Variants in ATP6V1E1 observed in about 807,000 individuals in gnomAD.
The protein encoded by ATP6V1E1 is V-type proton ATPase subunit E 1.
A neutral mutation model predicts 35.2 loss-of-function variants in ATP6V1E1; 21 were observed. That is an observed-to-expected ratio of 0.60 (90% CI 0.42 to 0.86). ATP6V1E1 has a LOEUF of 0.86. Among genes scored for constraint, ATP6V1E1 ranks in the 40% least tolerant of loss-of-function variants. The probability of loss-of-function intolerance (pLI) is 0.00; values close to 1 mark genes in which losing one functional copy is unlikely to be tolerated. For missense variants in ATP6V1E1, 183 were observed against 272.6 expected (o/e 0.67, Z 2.32); for synonymous variants, 83 against 87.8 (o/e 0.95, Z 0.30).
intron 4 of ATP6V1E1, among the ~76,000 whole-genome samples, chr22:17,603,539 T>C (rs1282531610): frequency 6.6e-6 from 1 of 152,000 alleles, no homozygotes; most frequent in East Asian, 1.9e-4. Context: ...CTCAGCCATG[T>C]GCAGTGGCTC....
chr22:17,602,843 G>C (rs2057768420), intron 4 of ATP6V1E1, among the ~76,000 whole-genome samples: 1 of 152,106 alleles, frequency 6.6e-6, no homozygotes, highest in South Asian at 2.1e-4. Context: ...CCATTCATTG[G>C]TCAATGAATC....
chr22:17,613,385 G>A (rs968983036), intron 2 of ATP6V1E1, 65 bp from the exon 3 acceptor site: 67 of 1,336,486 alleles, frequency 5.0e-5, no homozygotes, highest in Non-Finnish European at 6.9e-5. Flanking sequence ...TTAAACAGCT[G>A]GTGACCTGCG....
intron 1 of ATP6V1E1, among the ~76,000 whole-genome samples, chr22:17,621,878 T>G (rs1345283464): frequency 1.3e-5 from 2 of 152,200 alleles, no homozygotes; most frequent in African/African-American, 2.4e-5. Flanking sequence ...TAATTGTTGC[T>G]TATTTGTCCC....
intron 1 of ATP6V1E1, among the ~76,000 whole-genome samples, chr22:17,625,926 G>A (rs889468832): frequency 1.3e-5 from 2 of 151,170 alleles, no homozygotes; most frequent in Non-Finnish European, 2.9e-5. Context: ...GTGGGTTCAC[G>A]ACTTCCACAA....
intron 7 of ATP6V1E1, among the ~76,000 whole-genome samples, chr22:17,596,253 T>C (rs969141786): frequency 2.0e-5 from 3 of 152,120 alleles, no homozygotes; most frequent in African/African-American, 7.2e-5. Flanking sequence ...CAGAAACTAA[T>C]GGTGAAATTT....
intron 3 of ATP6V1E1, 40 bp downstream of exon 3, chr22:17,613,171 A>G: frequency 6.3e-7 from 1 of 1,576,906 alleles, no homozygotes; most frequent in Non-Finnish European, 8.7e-7. Flanking sequence ...ATGACTTCAG[A>G]AAACTTCTTA....
chr22:17,603,801 A>C (rs2057772747), intron 4 of ATP6V1E1, among the ~76,000 whole-genome samples: 1 of 152,244 alleles, frequency 6.6e-6, no homozygotes, highest in South Asian at 2.1e-4. Context: ...TCTATAAGAC[A>C]TCTGGCTGAA....
intron 4 of ATP6V1E1, among the ~76,000 whole-genome samples, chr22:17,605,603 C>T (rs972656283): frequency 6.6e-6 from 1 of 151,792 alleles, no homozygotes; most frequent in East Asian, 1.9e-4. Context: ...CTATCATTCA[C>T]TCAACACTCA....
chr22:17,598,763 A>G (rs2057746370), intron 6 of ATP6V1E1, among the ~76,000 whole-genome samples: 1 of 152,240 alleles, frequency 6.6e-6, no homozygotes, highest in Non-Finnish European at 1.5e-5. Flanking sequence ...TAACAGTATA[A>G]TAGGTCCTCA....
chr22:17,620,879 G>A (rs1238889218), intron 1 of ATP6V1E1, among the ~76,000 whole-genome samples: 1 of 151,994 alleles, frequency 6.6e-6, no homozygotes, highest in Non-Finnish European at 1.5e-5. Flanking sequence ...CTGGCTAACA[G>A]GGTGAAACCC....
chr22:17,598,324 G>A, intron 6 of ATP6V1E1, 36 bp from the exon 7 acceptor site: 4 of 1,502,090 alleles, frequency 2.7e-6, no homozygotes. Context: ...GTGTCACTAG[G>A]AACTATGAAG....
chr22:17,624,250 T>C (rs1317968489), intron 1 of ATP6V1E1, among the ~76,000 whole-genome samples: 3 of 152,172 alleles, frequency 2.0e-5, no homozygotes, highest in African/African-American at 7.2e-5. Context: ...ATTCCTTCTT[T>C]CAATTTTACA....
intron 1 of ATP6V1E1, among the ~76,000 whole-genome samples, chr22:17,626,478 G>T (rs1444001124): frequency 6.6e-6 from 1 of 151,924 alleles, no homozygotes; most frequent in Non-Finnish European, 1.5e-5. Flanking sequence ...GGGCTCAAAT[G>T]ATTCTCCCAC....
intron 4 of ATP6V1E1, among the ~76,000 whole-genome samples, chr22:17,605,299 G>C (rs1345295645): frequency 6.7e-6 from 1 of 148,872 alleles, no homozygotes; most frequent in Non-Finnish European, 1.5e-5. Context: ...GGCAGGCCGA[G>C]GCAGGCAGAT....
At chr22:17,596,204 G>C (rs1366261285) in intron 7 of ATP6V1E1, among the ~76,000 whole-genome samples, 1 of 152,098 alleles carries the variant, frequency 6.6e-6, no homozygotes, top group African/African-American at 2.4e-5. Flanking sequence ...TACAGATAAG[G>C]GAATCAGGGC....
intron 3 of ATP6V1E1, 50 bp downstream of exon 3, chr22:17,613,161 A>G (rs1333856712): frequency 6.5e-7 from 1 of 1,532,696 alleles, no homozygotes; most frequent in Admixed American, 1.8e-5. Flanking sequence ...GCGCCTGCTC[A>G]TGACTTCAGA....
At chr22:17,603,683 A>G (rs566550242) in intron 4 of ATP6V1E1, among the ~76,000 whole-genome samples, 1 of 152,302 alleles carries the variant, frequency 6.6e-6, no homozygotes, top group East Asian at 1.9e-4. Context: ...CTTGGGTCCC[A>G]TCTCCAAAAT....
chr22:17,613,296 T>A lies in ATP6V1E1; in HGVS notation c.124A>T (p.Lys42Ter). Residue 42 changes from lysine to a stop codon, truncating the protein, a stop_gained, in exon 3 of 9, where the codon AAA becomes TAA. Coordinates refer to ENST00000253413, the MANE Select transcript of ATP6V1E1 (RefSeq NM_001696.4). LOFTEE classifies it high-confidence loss of function. ...CTTTGGGTTTGCACAAGCCGACCTT[T>A]CTCTATGTTGAACTCTTCTTCTGCC... is the stretch of plus-strand genomic sequence containing the variant. Reference protein sequence around the residue: ...AKAEEEFNIEKGRLVQTQRLK... With the variant: ...AKAEEEFNIE The A allele has an allele frequency of 6.2e-7, 1 of 1,613,862 alleles. No individual in the cohort carries two copies. The highest frequency in any genetic ancestry group is 8.5e-7 in the Non-Finnish European group (1 of 1,179,928).
chr22:17,601,761 C>G (rs902350870), intron 4 of ATP6V1E1, among the ~76,000 whole-genome samples: 1 of 152,244 alleles, frequency 6.6e-6, no homozygotes, highest in East Asian at 1.9e-4. Context: ...CGCCCACCAC[C>G]ACGCCCAGCT....
Sources: allele counts gnomAD v4.1 joint callset (sites outside exome capture counted in the v4.1 genomes callset), GRCh38; gene constraint gnomAD v4.1.1; transcripts MANE v1.5; gene names NCBI Gene and HGNC (gene_info 2026-07-23, HGNC 2026-07-21).